Variants in DSCAML1 observed in about 807,000 individuals in gnomAD.
DSCAML1 encodes DS cell adhesion molecule like 1, also known as cell adhesion molecule DSCAML1.
A neutral mutation model predicts 200.5 loss-of-function variants in DSCAML1; 38 were observed. The ratio of observed to expected loss-of-function variants is 0.19; its 90% CI spans 0.15 to 0.25. The LOEUF (loss-of-function observed/expected upper bound fraction) is 0.25. Ranked by LOEUF, DSCAML1 falls within the 10% of genes least tolerant of loss-of-function variation. DSCAML1 has a pLI of 1.00. For synonymous variants in DSCAML1, 1,215 were observed against 1,165.0 expected, an observed-to-expected ratio of 1.04 and a Z score of -0.87; for missense variants, 2,223 against 2,858.8, an observed-to-expected ratio of 0.78 and a Z score of 5.07.
rs55850829 is a variant in DSCAML1, at chr11:117,484,886, AGTGTGTGTGTGTGTGTGTGTGTGT to A, written c.2360-2748_2360-2725del. On this transcript the variant is annotated intron_variant, in intron 11 of 32. Transcript: ENST00000651296. ...TGAAGCCACAGAGAAGCAGAGGAAC[AGTGTGTGTGTGTGTGTGTGTGTGT>A]GTGTGTGTGTGTGTGTGTGTGTGTG... 1.7e-3 allele frequency among the ~76,000 whole-genome samples: 203 copies of A among 119,192 alleles called. 1 individual carries two copies. The highest frequency in any genetic ancestry group is 4.4e-3 in the African/African-American group (139 of 31,348). 78.2% of individuals were successfully genotyped at this position (119,192 alleles called of 152,430 possible).
intron 3 of DSCAML1, among the ~76,000 whole-genome samples, chr11:117,572,526 C>T (rs530870647): frequency 6.6e-6 from 1 of 152,184 alleles, no homozygotes; most frequent in African/African-American, 2.4e-5. Context: ...GGACTCCTTG[C>T]CCCATCCCCT....
intron 1 of DSCAML1, among the ~76,000 whole-genome samples, chr11:117,788,007 T>A (rs2055392221): frequency 6.6e-6 from 1 of 152,134 alleles, no homozygotes; most frequent in African/African-American, 2.4e-5. Flanking sequence ...CCAAGTCCAT[T>A]CAAAACCCAG....
At chr11:117,788,383 G>A (rs1336464455) in intron 1 of DSCAML1, among the ~76,000 whole-genome samples, 3 of 152,208 alleles carry the variant, frequency 2.0e-5, no homozygotes, top group African/African-American at 4.8e-5. Context: ...CTGGAGTGCA[G>A]TGGCACCATC....
intron 3 of DSCAML1, among the ~76,000 whole-genome samples, chr11:117,556,870 C>T (rs1394472222): frequency 6.6e-6 from 1 of 152,248 alleles, no homozygotes; most frequent in East Asian, 1.9e-4. Flanking sequence ...GACATGCCCA[C>T]ATCTTCTTAG....
At chr11:117,484,330 G>A (rs937480733) in intron 11 of DSCAML1, among the ~76,000 whole-genome samples, 1 of 152,230 alleles carries the variant, frequency 6.6e-6, no homozygotes, top group East Asian at 1.9e-4. Flanking sequence ...CAGGCTCCCC[G>A]AAGTCACACC....
chr11:117,800,282 C>T (rs377554565), upstream of DSCAML1, among the ~76,000 whole-genome samples: 22 of 152,274 alleles, frequency 1.4e-4, 1 homozygote, highest in African/African-American at 4.8e-4. Context: ...GAGAGTCAGG[C>T]GGCGTGTTCT....
chr11:117,586,491 A>T (rs1395724146), intron 3 of DSCAML1, among the ~76,000 whole-genome samples: 1 of 152,176 alleles, frequency 6.6e-6, no homozygotes, highest in Non-Finnish European at 1.5e-5. Context: ...CTTTGACACC[A>T]AGAAGCTGCC....
chr11:117,521,769 G>A (rs1326907300), intron 5 of DSCAML1, among the ~76,000 whole-genome samples: 1 of 152,120 alleles, frequency 6.6e-6, no homozygotes, highest in Non-Finnish European at 1.5e-5. Flanking sequence ...AACCGGGGGG[G>A]GCACCCTTGG....
At chr11:117,656,548 C>CT (rs1565855433) in intron 3 of DSCAML1, among the ~76,000 whole-genome samples, 53 of 115,580 alleles carry the variant, frequency 4.6e-4, no homozygotes, top group African/African-American at 1.1e-3. Flanking sequence ...TCTATCTATC[C>CT]ATCCATCCAC....
chr11:117,529,681 C>T (rs993581393), intron 4 of DSCAML1, among the ~76,000 whole-genome samples: 2 of 152,028 alleles, frequency 1.3e-5, no homozygotes, highest in Middle Eastern at 3.4e-3. Flanking sequence ...TTGTGCCATT[C>T]TCATCCGCAA....
chr11:117,726,178 C>A (rs766332373), intron 3 of DSCAML1, among the ~76,000 whole-genome samples: 8 of 152,142 alleles, frequency 5.3e-5, no homozygotes, highest in Non-Finnish European at 1.0e-4. Flanking sequence ...TTCTTTGAGC[C>A]TCAGTTTCCT....
At chr11:117,803,515 TTAATA>T (rs2055680525) in intron 1 of DSCAML1, among the ~76,000 whole-genome samples, 1 of 152,162 alleles carries the variant, frequency 6.6e-6, no homozygotes, top group South Asian at 2.1e-4. Context: ...CATTTGATTA[TTAATA>T]TATTAATGAT....
intron 3 of DSCAML1, among the ~76,000 whole-genome samples, chr11:117,718,159 T>C (rs764257147): frequency 1.3e-5 from 2 of 152,260 alleles, no homozygotes; most frequent in East Asian, 1.9e-4. Flanking sequence ...CCTGCCTGTA[T>C]GCGAGGTCAG....
chr11:117,707,628 G>T (rs558851680), intron 3 of DSCAML1, among the ~76,000 whole-genome samples: 58 of 152,158 alleles, frequency 3.8e-4, no homozygotes, highest in Non-Finnish European at 7.1e-4. Flanking sequence ...CTGCCTTCCG[G>T]GTTCAAGCGA....
At chr11:117,450,517 C>A in intron 20 of DSCAML1, 32 bp downstream of exon 20, 1 of 1,606,684 alleles carries the variant, frequency 6.2e-7, no homozygotes, top group Non-Finnish European at 8.5e-7. Flanking sequence ...TTTCTTCCAT[C>A]CCCTTCATCA....
chr11:117,698,586 A>T (rs1034063236), intron 3 of DSCAML1, among the ~76,000 whole-genome samples: 1 of 151,402 alleles, frequency 6.6e-6, no homozygotes, highest in Non-Finnish European at 1.5e-5. Flanking sequence ...TGTTATTATT[A>T]TTTTTTTTTC....
rs747099346 is a variant in DSCAML1 at position 117,463,053 on chromosome 11, G to A, written c.3266-1457C>T. On this transcript the variant is annotated intron_variant, in intron 17 of 32. Coordinates refer to ENST00000651296, the MANE Select transcript of DSCAML1 (RefSeq NM_020693.4). The surrounding 1 kb of genome is among the most constrained non-coding windows in gnomAD (Gnocchi z 4.0). ...GGGAGCTTAGCGTTAGGTGGGGCAG[G>A]CTGGCCTCGGCTCAGCACGACTGTT... is the stretch of plus-strand genomic sequence containing the variant. Among the ~76,000 whole-genome samples the A allele has an allele frequency of 3.3e-5, 5 of 152,208 alleles. No individual in the cohort carries two copies. Among genetic ancestry groups the A allele is most frequent in the Non-Finnish European group, 7.3e-5 (5 of 68,042 alleles).
chr11:117,817,424 T>C (rs1169418103), exon 1 of DSCAML1: 6 of 152,354 alleles, frequency 3.9e-5, no homozygotes, highest in Admixed American at 1.3e-4. Flanking sequence ...TTGCTCCACT[T>C]CGAGTTCACC....
In DSCAML1 at chr11:117,469,073, G is replaced by C. The variant is rs1260894180; in HGVS notation, c.3024+837C>G. Among the ~76,000 whole-genome samples, 2 of 152,212 alleles carry C rather than the reference G, an allele frequency of 1.3e-5. No individual in the cohort carries two copies. Among genetic ancestry groups the C allele is most frequent in the Non-Finnish European group, 2.9e-5 (2 of 68,032 alleles). Reference sequence around the variant, plus strand: ...TGTGGAGGGAAGAGTGGCTGGGGCTGCAGACTCTGTGTTGCAGTCTGAGCT... The same window carrying C: ...TGTGGAGGGAAGAGTGGCTGGGGCTCCAGACTCTGTGTTGCAGTCTGAGCT... On this transcript the variant is annotated intron_variant, in intron 16 of 32. Coordinates refer to ENST00000651296, the MANE Select transcript of DSCAML1 (RefSeq NM_020693.4). This position sits in a 1 kb window ranked among gnomAD's most constrained non-coding sequence, Gnocchi z 4.1.
Sources: gnomAD v4.1 joint callset for allele counts (sites outside exome capture counted in the v4.1 genomes callset) on GRCh38, gnomAD v4.1.1 for gene constraint, Gnocchi (gnomAD v3.1) non-coding constraint, MANE v1.5 for transcripts, NCBI Gene and HGNC (gene_info 2026-07-23, HGNC 2026-07-21) for gene names.